SLC18A1: variants seen among roughly 807,000 people sequenced by gnomAD.
SLC18A1 encodes chromaffin granule amine transporter.
A neutral mutation model predicts 53.7 loss-of-function variants in SLC18A1; 69 were observed. The observed-to-expected ratio is 1.28, with a 90% CI of 1.06 to 1.57. The LOEUF is 1.57. SLC18A1 is among the 40% of genes most tolerant of loss of function. SLC18A1 has a pLI of 0.00. For missense variants in SLC18A1, 932 were observed against 668.1 expected (o/e 1.40, Z -4.35); for synonymous variants, 320 against 248.1 (o/e 1.29, Z -2.72).
At chr8:20,158,150 A>T (rs2071727754) in intron 10 of SLC18A1, among the ~76,000 whole-genome samples, 1 of 152,122 alleles carries the variant, frequency 6.6e-6, no homozygotes, top group Non-Finnish European at 1.5e-5. Flanking sequence ...TTGACCTTTG[A>T]GGGCCAGGAG....
chr8:20,162,856 C>T (rs7007385), intron 10 of SLC18A1, among the ~76,000 whole-genome samples: 2 of 152,206 alleles, frequency 1.3e-5, no homozygotes, highest in Non-Finnish European at 2.9e-5. Context: ...TTAACCACAG[C>T]AATACAGGCT....
At chr8:20,171,969 G>A (rs1283260538) in intron 6 of SLC18A1, among the ~76,000 whole-genome samples, 1 of 152,232 alleles carries the variant, frequency 6.6e-6, no homozygotes, top group African/African-American at 2.4e-5. Flanking sequence ...ATGAATATTT[G>A]CGAGGAGAAA....
intron 11 of SLC18A1, 145 bp from the exon 12 acceptor site, chr8:20,149,872 TTGTA>T: frequency 1.4e-6 from 1 of 691,906 alleles, no homozygotes; most frequent in East Asian, 2.7e-5. Flanking sequence ...CATGACCAGT[TTGTA>T]CCCAAATGAG....
chr8:20,173,284 T>G (rs770205860), intron 5 of SLC18A1, among the ~76,000 whole-genome samples, 156 bp from the exon 6 acceptor site: 3 of 152,206 alleles, frequency 2.0e-5, no homozygotes, highest in East Asian at 3.8e-4. Context: ...ATTTTTCAAG[T>G]ACTACCCTCC....
chr8:20,180,143 T>TG (rs56062914), intron 2 of SLC18A1, among the ~76,000 whole-genome samples: 2 of 151,724 alleles, frequency 1.3e-5, no homozygotes, highest in Admixed American at 6.6e-5. Flanking sequence ...TGTGTGTGTG[T>TG]TTCCCTGGGA....
intron 4 of SLC18A1, among the ~76,000 whole-genome samples, chr8:20,174,914 G>A (rs2072218785): frequency 6.6e-6 from 1 of 152,172 alleles, no homozygotes; most frequent in African/African-American, 2.4e-5. Flanking sequence ...TAGGAATTGG[G>A]TAGAAAATAA....
At chr8:20,154,819 C>T (rs1000437263) in intron 10 of SLC18A1, among the ~76,000 whole-genome samples, 21 of 152,168 alleles carry the variant, frequency 1.4e-4, no homozygotes, top group Non-Finnish European at 2.4e-4. Flanking sequence ...CTGGCTCGAG[C>T]TGAGCTTTCA....
Position 20,179,197 on chromosome 8 carries a change from G to C in SLC18A1, c.412C>G (p.Arg138Gly). 1 of 1,614,168 alleles carries C rather than the reference G, an allele frequency of 6.2e-7. No homozygotes were observed. The highest frequency in any genetic ancestry group is 2.2e-5 in the East Asian group (1 of 44,872). The change falls in exon 3 of 16, where the codon CGG becomes GGG. Residue 138 changes from arginine to glycine, a missense_variant. Coordinates refer to ENST00000276373, the MANE Select transcript of SLC18A1 (RefSeq NM_003053.4). ...GTGFLEEEIT[R>G]VGVLFASKAV... is the part of the protein sequence containing the mutation. ...TTTGAAGCAAACAGAACCCCGACCC[G>C]GGTAATCTCTTCCTCCAAGAAACCT... is the stretch of plus-strand genomic sequence containing the variant.
rs569247247 is a variant in SLC18A1, at chr8:20,157,021, C to T, written c.1016-6277G>A. Among the ~76,000 whole-genome samples, 357 of 152,200 alleles carry T rather than the reference C, an allele frequency of 2.3e-3. 3 individuals carry two copies. The highest frequency in any genetic ancestry group is 8.3e-3 in the African/African-American group (343 of 41,516). ...CTCCTTTCTTTGTGGTCAAGAAAGG[C>T]GGGAAAACAGGTGCAGGACTGCTAC... On this transcript the variant is annotated intron_variant, in intron 10 of 15. Coordinates refer to ENST00000276373, the MANE Select transcript of SLC18A1 (RefSeq NM_003053.4).
At chr8:20,170,074 G>A (rs1159850827) in intron 8 of SLC18A1, among the ~76,000 whole-genome samples, 1 of 152,156 alleles carries the variant, frequency 6.6e-6, no homozygotes. Flanking sequence ...TGTGCAGAGG[G>A]TATTTGGTGC....
intron 15 of SLC18A1, 74 bp downstream of exon 15, chr8:20,147,184 G>A (rs1407125289): frequency 6.6e-7 from 1 of 1,503,876 alleles, no homozygotes; most frequent in Non-Finnish European, 9.0e-7. Flanking sequence ...TAACAGCCCA[G>A]GATGAAAGGG....
At chr8:20,163,301 G>T (rs562456315) in intron 10 of SLC18A1, among the ~76,000 whole-genome samples, 2 of 152,110 alleles carry the variant, frequency 1.3e-5, no homozygotes, top group Non-Finnish European at 2.9e-5. Flanking sequence ...ATCTCTCAAA[G>T]GTCCCACTTC....
rs77676591 is a variant in SLC18A1, at chr8:20,178,671, A to C, written c.489-178T>G. Among the ~76,000 whole-genome samples, 1,094 of 152,322 alleles carry C rather than the reference A, an allele frequency of 7.2e-3. 14 individuals carry two copies. Among genetic ancestry groups the C allele is most frequent in the African/African-American group, 0.024 (986 of 41,562 alleles). ...TGTGGATGAGTATGAGCAAACAAAC[A>C]AACATGCAGATATGACCATAGATCA... On this transcript the variant is annotated intron_variant, in intron 3 of 15. Transcript: ENST00000276373.
Position 20,145,721 on chromosome 8 carries a change from T to C in SLC18A1, c.*42A>G, listed in dbSNP as rs372396932. 1.6e-6 allele frequency: 2 copies of C among 1,278,814 alleles called. No individual in the cohort carries two copies. Among genetic ancestry groups the C allele is most frequent in the Non-Finnish European group, 2.2e-6 (2 of 891,738 alleles). The allele number at this position is 1,278,814 out of a possible 1,614,324, so 79.2% of individuals were successfully genotyped here. Reference sequence around the variant, plus strand: ...GGTGATCTGGTCCCAGGGAAAGAGGTGGTCACTGAGGCATCATGAATTCAA... The same window carrying C: ...GGTGATCTGGTCCCAGGGAAAGAGGCGGTCACTGAGGCATCATGAATTCAA... On this transcript the variant is annotated 3_prime_UTR_variant, in exon 16 of 16. Transcript: ENST00000276373.
intron 10 of SLC18A1, among the ~76,000 whole-genome samples, chr8:20,154,045 C>G (rs1264829817): frequency 2.0e-5 from 3 of 152,126 alleles, no homozygotes; most frequent in African/African-American, 7.2e-5. Context: ...CACACAAGAG[C>G]TGGTTGTTAA....
At chr8:20,161,985 T>C (rs2071841628) in intron 10 of SLC18A1, among the ~76,000 whole-genome samples, 1 of 152,184 alleles carries the variant, frequency 6.6e-6, no homozygotes, top group South Asian at 2.1e-4. Context: ...GAAGAAGTCA[T>C]GCACCCATAG....
chr8:20,172,660 G>A (rs2072152574), intron 6 of SLC18A1, among the ~76,000 whole-genome samples: 1 of 152,088 alleles, frequency 6.6e-6, no homozygotes, highest in South Asian at 2.1e-4. Flanking sequence ...TCTATAATGG[G>A]GAAAATCATT....
rs1274557075 is a variant in SLC18A1 at position 20,171,443 on chromosome 8, G to A, written c.776C>T (p.Pro259Leu). ...TGCCAGGAAGGCCAGGATGAGGAAG[G>A]GTGCAGACTTCCCAACAAACTCGTA... ...VMYEFVGKSA[P>L]FLILAFLALL... The change falls in exon 7 of 16, where the codon CCC becomes CTC. Residue 259 changes from proline (P) to leucine (L), a missense_variant. Pro to Leu is a moderately conservative substitution (Grantham distance 98). Coordinates refer to ENST00000276373, the MANE Select transcript of SLC18A1 (RefSeq NM_003053.4). The A allele has an allele frequency of 1.2e-6, 2 of 1,614,140 alleles. No individual in the cohort carries two copies. Among genetic ancestry groups the A allele is most frequent in the Admixed American group, 1.7e-5 (1 of 60,026 alleles).
intron 10 of SLC18A1, among the ~76,000 whole-genome samples, chr8:20,160,195 C>A (rs766284419): frequency 6.6e-6 from 1 of 150,530 alleles, no homozygotes. Flanking sequence ...CTGTTGCAAA[C>A]TGTACCCATT....
Sources: allele counts gnomAD v4.1 joint callset (sites outside exome capture counted in the v4.1 genomes callset), GRCh38; gene constraint gnomAD v4.1.1; transcripts MANE v1.5; gene names NCBI Gene and HGNC (gene_info 2026-07-23, HGNC 2026-07-21).